LRRC4C: variants seen among roughly 807,000 people sequenced by gnomAD.
LRRC4C encodes the protein leucine-rich repeat-containing protein 4C.
In LRRC4C, 5 loss-of-function variants were observed where a neutral mutation model predicts 33.6. That is an observed-to-expected ratio of 0.15 (90% CI 0.08 to 0.31). The LOEUF (loss-of-function observed/expected upper bound fraction) is 0.31, where lower values mean the gene tolerates loss of function less well. Among genes scored for constraint, LRRC4C ranks in the 10% least tolerant of loss-of-function variants. The pLI is 1.00. For missense variants in LRRC4C, 560 were observed against 796.7 expected (o/e 0.70, Z 3.58); for synonymous variants, 329 against 302.0 (o/e 1.09, Z -0.93).
rs1555083171 is a variant in LRRC4C at position 41,128,277 on chromosome 11, A to AT, written c.-495-194555dup. Among the ~76,000 whole-genome samples the AT allele has an allele frequency of 5.3e-5, 8 of 152,092 alleles. No individual in the cohort carries two copies. The East Asian group carries it at 1.5e-3, about 29-fold the overall frequency. On this transcript the variant is annotated intron_variant, in intron 1 of 6. Transcript: ENST00000528697. ...ATCTGTCATACCTCCAAAAAAAAAAATCATTTCTATTTGCAGTTCTAAACT... is the reference window on the plus strand; with the variant it reads ...ATCTGTCATACCTCCAAAAAAAAAAATTCATTTCTATTTGCAGTTCTAAACT...
chr11:40,651,236 A>G (rs1251932919), intron 2 of LRRC4C, among the ~76,000 whole-genome samples: 1 of 152,116 alleles, frequency 6.6e-6, no homozygotes, highest in African/African-American at 2.4e-5. Flanking sequence ...TTATTAGAGG[A>G]ATATTTAGGA....
chr11:41,163,284 G>T lies in LRRC4C; in HGVS notation c.-495-229561C>A, dbSNP rs1449692493. On this transcript the variant is annotated intron_variant, in intron 1 of 6. Coordinates refer to ENST00000528697, the MANE Select transcript of LRRC4C (RefSeq NM_001258419.2). ...GTAATAAACTTAGTTTACTGTAACT[G>T]TTTTTTTTTTTTTTTTTCAAACAGG... Among the ~76,000 whole-genome samples, 388 of 73,322 alleles carry T rather than the reference G, an allele frequency of 5.3e-3. 2 individuals carry two copies. The highest frequency in any genetic ancestry group is 0.017 in the Middle Eastern group (1 of 60). The allele number at this position is 73,322 out of a possible 152,430, so 48.1% of individuals were successfully genotyped here.
At chr11:40,664,064 T>C (rs377581441) in intron 2 of LRRC4C, among the ~76,000 whole-genome samples, 1 of 152,186 alleles carries the variant, frequency 6.6e-6, no homozygotes, top group East Asian at 1.9e-4. Context: ...CAATTACATA[T>C]ATAGAGCACT....
At chr11:41,113,017 G>A (rs1434005327) in intron 1 of LRRC4C, among the ~76,000 whole-genome samples, 1 of 152,060 alleles carries the variant, frequency 6.6e-6, no homozygotes, top group African/African-American at 2.4e-5. Context: ...TACATTTTCT[G>A]AAGTCTTTAT....
At chr11:40,708,049 G>T (rs1946260351) in intron 2 of LRRC4C, among the ~76,000 whole-genome samples, 1 of 152,088 alleles carries the variant, frequency 6.6e-6, no homozygotes, top group South Asian at 2.1e-4. Context: ...TGTGGGATCG[G>T]TGGTGACATC....
intron 2 of LRRC4C, among the ~76,000 whole-genome samples, chr11:40,818,083 T>C (rs1031071843): frequency 7.2e-5 from 11 of 152,130 alleles, no homozygotes; most frequent in African/African-American, 2.2e-4. Context: ...CCTTGATCAA[T>C]GCCTGACTTA....
chr11:40,402,222 G>A (rs1949787400), intron 3 of LRRC4C, among the ~76,000 whole-genome samples: 1 of 152,058 alleles, frequency 6.6e-6, no homozygotes, highest in African/African-American at 2.4e-5. Context: ...TTCACTATAT[G>A]TTTGTCTCCA....
intron 1 of LRRC4C, among the ~76,000 whole-genome samples, chr11:41,373,870 G>A (rs1034869828): frequency 6.6e-6 from 1 of 152,090 alleles, no homozygotes; most frequent in Admixed American, 6.6e-5. Flanking sequence ...TCTTACTAAC[G>A]TCCAATATTC....
At chr11:40,663,441 G>C (rs1407350805) in intron 2 of LRRC4C, among the ~76,000 whole-genome samples, 3 of 152,164 alleles carry the variant, frequency 2.0e-5, no homozygotes, top group South Asian at 2.1e-4. Flanking sequence ...TTGAATTTCT[G>C]ATTCTGACCA....
At chr11:40,392,447 A>G (rs563212181) in intron 3 of LRRC4C, among the ~76,000 whole-genome samples, 1 of 152,104 alleles carries the variant, frequency 6.6e-6, no homozygotes, top group Non-Finnish European at 1.5e-5. Flanking sequence ...AACTCTTTGT[A>G]TGTTCTGCAG....
intron 1 of LRRC4C, among the ~76,000 whole-genome samples, chr11:41,108,452 A>T (rs1206541161): frequency 6.6e-6 from 1 of 152,178 alleles, no homozygotes; most frequent in Non-Finnish European, 1.5e-5. Context: ...ATTAACTCAC[A>T]TAAAGGGAGA....
intron 1 of LRRC4C, among the ~76,000 whole-genome samples, chr11:41,232,572 G>A (rs1031122412): frequency 1.3e-5 from 2 of 151,934 alleles, no homozygotes; most frequent in Non-Finnish European, 2.9e-5. Flanking sequence ...TTGGCTAAAT[G>A]ACTACATAAT....
chr11:41,197,974 A>G (rs542381697), intron 1 of LRRC4C, among the ~76,000 whole-genome samples: 7 of 152,114 alleles, frequency 4.6e-5, no homozygotes, highest in Admixed American at 4.6e-4. Context: ...TGTTATCACC[A>G]TCACCATCAT....
intron 3 of LRRC4C, among the ~76,000 whole-genome samples, chr11:40,422,431 A>G (rs1454127829): frequency 6.6e-6 from 1 of 152,176 alleles, no homozygotes; most frequent in Non-Finnish European, 1.5e-5. Flanking sequence ...AGAAAAATGT[A>G]AAATTTTGAA....
At chr11:40,355,345 A>C (rs1308055693) in intron 3 of LRRC4C, among the ~76,000 whole-genome samples, 1 of 152,110 alleles carries the variant, frequency 6.6e-6, no homozygotes, top group Non-Finnish European at 1.5e-5. Flanking sequence ...ACTAGATTAC[A>C]TGTATCCCAA....
chr11:40,140,860 A>AAAAAAAAAAAGAAAAGAAAAG lies in LRRC4C; in HGVS notation c.-95-8_-95-7insCTTTTCTTTTCTTTTTTTTTT. 6.6e-6 allele frequency: 1 copy of AAAAAAAAAAAGAAAAGAAAAG among 151,974 alleles called. No individual in the cohort carries two copies. The highest frequency in any genetic ancestry group is 1.5e-5 in the Non-Finnish European group (1 of 67,924). 9.4% of individuals were successfully genotyped at this position (151,974 alleles called of 1,614,324 possible). ...AGGCAGTGCGTTTGCCAATCTAAAA[A>AAAAAAAAAAAGAAAAGAAAAG]AAAAAAAAAAAGAAAAGAAAAGAAA... On this transcript the variant is annotated splice_region_variant and splice_polypyrimidine_tract_variant and intron_variant, in intron 5 of 6. Transcript: ENST00000528697.
At chr11:41,133,108 G>T (rs1428197844) in intron 1 of LRRC4C, among the ~76,000 whole-genome samples, 1 of 152,126 alleles carries the variant, frequency 6.6e-6, no homozygotes, top group East Asian at 1.9e-4. Flanking sequence ...GTCTCTGGGA[G>T]ATAAGAAAGG....
chr11:40,266,092 G>C (rs1462155499), intron 4 of LRRC4C, among the ~76,000 whole-genome samples: 2 of 152,058 alleles, frequency 1.3e-5, no homozygotes, highest in Non-Finnish European at 2.9e-5. Flanking sequence ...GAGCTCAGGA[G>C]TTTCACAACA....
intron 2 of LRRC4C, among the ~76,000 whole-genome samples, chr11:40,741,389 A>G (rs1047207315): frequency 3.9e-5 from 6 of 152,064 alleles, no homozygotes; most frequent in Non-Finnish European, 7.4e-5. Context: ...GAAGTCTTCA[A>G]TTCCACAGTA....
Sources: gnomAD v4.1 joint callset for allele counts (sites outside exome capture counted in the v4.1 genomes callset) on GRCh38, gnomAD v4.1.1 for gene constraint, MANE v1.5 for transcripts, NCBI Gene and HGNC (gene_info 2026-07-23, HGNC 2026-07-21) for gene names.